FPR3: variants seen among roughly 807,000 people sequenced by gnomAD.
The protein encoded by FPR3 is formyl peptide receptor 3.
For synonymous variants in FPR3, 135 were observed against 163.6 expected, an observed-to-expected ratio of 0.83 and a Z score of 1.34; for missense variants, 346 against 443.2, an observed-to-expected ratio of 0.78 and a Z score of 1.97.
intron 1 of FPR3, among the ~76,000 whole-genome samples, chr19:51,810,004 G>A (rs529348915): frequency 9.9e-5 from 15 of 152,222 alleles, no homozygotes; most frequent in South Asian, 8.3e-4. Context: ...CCTCTGTTAC[G>A]CAAGGACAAA....
At chr19:51,817,307 C>A (rs1246191431) in intron 1 of FPR3, among the ~76,000 whole-genome samples, 1 of 151,922 alleles carries the variant, frequency 6.6e-6, no homozygotes, top group African/African-American at 2.4e-5. Flanking sequence ...ACAAACAAAA[C>A]CAAAATAGAG....
intron 1 of FPR3, among the ~76,000 whole-genome samples, chr19:51,798,940 C>A (rs1224746505): frequency 2.0e-5 from 3 of 152,018 alleles, no homozygotes; most frequent in Non-Finnish European, 4.4e-5. Flanking sequence ...CATGGTGAAA[C>A]CCCATCTCTA....
chr19:51,817,528 A>T (rs79557975), intron 1 of FPR3, among the ~76,000 whole-genome samples: 20,773 of 123,904 alleles, frequency 0.17, 1,568 homozygotes, highest in Middle Eastern at 0.25. Context: ...TTTTTTTTTT[A>T]AATTATTGTT....
chr19:51,823,358 T>C (rs2084204668), intron 1 of FPR3, among the ~76,000 whole-genome samples: 1 of 152,134 alleles, frequency 6.6e-6, no homozygotes, highest in Non-Finnish European at 1.5e-5. Flanking sequence ...GCCAGCATGT[T>C]TGCATTGAGT....
At chr19:51,797,015 A>C (rs1022034600) in intron 1 of FPR3, among the ~76,000 whole-genome samples, 2 of 152,240 alleles carry the variant, frequency 1.3e-5, no homozygotes, top group Non-Finnish European at 2.9e-5. Context: ...AAAGAGGAAG[A>C]GAATCGAGCT....
chr19:51,804,243 T>C (rs1011068370), intron 1 of FPR3: 4 of 151,554 alleles, frequency 2.6e-5, no homozygotes, highest in African/African-American at 9.7e-5. Context: ...TACACCACAG[T>C]CACGAGTACA....
chr19:51,810,344 G>A (rs761456948), intron 1 of FPR3, among the ~76,000 whole-genome samples: 3 of 152,178 alleles, frequency 2.0e-5, no homozygotes, highest in Non-Finnish European at 4.4e-5. Flanking sequence ...TAGCATTTCT[G>A]CAGCCGTGGT....
chr19:51,798,330 C>T (rs75031410), intron 1 of FPR3, among the ~76,000 whole-genome samples: 5,142 of 152,094 alleles, frequency 0.034, 152 homozygotes, highest in South Asian at 0.15. Flanking sequence ...GCCAGGGGTG[C>T]CGCTAAACAT....
chr19:51,810,568 T>C (rs1006122207), intron 1 of FPR3, among the ~76,000 whole-genome samples: 1 of 152,224 alleles, frequency 6.6e-6, no homozygotes, highest in Non-Finnish European at 1.5e-5. Flanking sequence ...CATTACCTAA[T>C]AGCATATCCT....
chr19:51,820,853 T>A (rs920730627), intron 1 of FPR3, among the ~76,000 whole-genome samples: 1 of 152,224 alleles, frequency 6.6e-6, no homozygotes, highest in Non-Finnish European at 1.5e-5. Flanking sequence ...GGTTAGTCAA[T>A]ATTCACCGTG....
chr19:51,824,546 C>T lies in FPR3; in HGVS notation c.798C>T (p.Val266=). 6.2e-7 allele frequency: 1 copy of T among 1,614,138 alleles called. No individual in the cohort carries two copies. Among genetic ancestry groups the T allele is most frequent in the Non-Finnish European group, 8.5e-7 (1 of 1,179,972 alleles). Residue 266 remains valine (V), a synonymous_variant, in exon 2 of 2, where the codon GTC becomes GTT. Transcript: ENST00000339223. The surrounding 1 kb of genome is among the most constrained non-coding windows in gnomAD (Gnocchi z 4.7). ...AACTAATTGGCATTCTAATGGCAGTCTGGCTCAAAGAGATGTTGTTAAATG... is the reference window on the plus strand; with the variant it reads ...AACTAATTGGCATTCTAATGGCAGTTTGGCTCAAAGAGATGTTGTTAAATG... ...PYELIGILMA[V]WLKEMLLNGK... is the part of the protein sequence containing the mutation.
chr19:51,803,846 T>C (rs534418431), intron 1 of FPR3: 1 of 152,324 alleles, frequency 6.6e-6, no homozygotes, highest in South Asian at 2.1e-4. Context: ...CCGCTACATC[T>C]CCCTTTTTTC....
chr19:51,813,195 G>C (rs573340638), intron 1 of FPR3, among the ~76,000 whole-genome samples: 1 of 151,546 alleles, frequency 6.6e-6, no homozygotes, highest in South Asian at 2.1e-4. Flanking sequence ...TCTGGGGGCT[G>C]TAAAGTCCAA....
At chr19:51,800,126 T>A (rs751937256) in intron 1 of FPR3, among the ~76,000 whole-genome samples, 1 of 152,212 alleles carries the variant, frequency 6.6e-6, no homozygotes, top group Non-Finnish European at 1.5e-5. Flanking sequence ...CTCTAACCTG[T>A]GACACGGCAA....
At chr19:51,810,330 A>C (rs1236721350) in intron 1 of FPR3, among the ~76,000 whole-genome samples, 1 of 152,222 alleles carries the variant, frequency 6.6e-6, no homozygotes, top group Non-Finnish European at 1.5e-5. Flanking sequence ...GCTAGAGTTA[A>C]GGTTAGCATT....
chr19:51,813,427 T>G (rs1042756987), intron 1 of FPR3, among the ~76,000 whole-genome samples: 1 of 152,172 alleles, frequency 6.6e-6, no homozygotes, highest in African/African-American at 2.4e-5. Flanking sequence ...ATTTTTATTT[T>G]TATTTTTGGC....
rs534385123 is a variant in FPR3, at chr19:51,810,307, T to C, written c.-10-13432T>C. Among the ~76,000 whole-genome samples, 8 of 152,348 alleles carry C rather than the reference T, an allele frequency of 5.3e-5. No homozygotes were observed. In the South Asian group the frequency reaches 1.7e-3, roughly 32 times the overall value. The stretch of plus-strand genomic sequence containing the variant: ...CCAGTGCATGTTTACAATCCGCGTT[T>C]GCATCCTCAAAAGCTAGAGTTAAGG... On this transcript the variant is annotated intron_variant, in intron 1 of 1. Transcript: ENST00000339223.
At position 51,818,143 on chromosome 19, in the gene FPR3, C is replaced by A. The variant is rs569131924; in HGVS notation, c.-10-5596C>A. ...CAGCTTTTGAGTGCTTGCTATTTTT[C>A]TCATTTAACCTTAAGTGTGCTATAA... On this transcript the variant is annotated intron_variant, in intron 1 of 1. Coordinates refer to ENST00000339223, the MANE Select transcript of FPR3 (RefSeq NM_002030.5). 7.9e-5 allele frequency among the ~76,000 whole-genome samples: 12 copies of A among 152,244 alleles called. No homozygotes were observed. The South Asian group carries it at 2.5e-3, about 32-fold the overall frequency.
chr19:51,795,504 CTTTTT>C (rs58620565), intron 1 of FPR3, among the ~76,000 whole-genome samples, 173 bp downstream of exon 1: 2,779 of 73,752 alleles, frequency 0.038, 13 homozygotes, highest in Middle Eastern at 0.048. Flanking sequence ...CAGTAACATT[CTTTTT>C]TTTTTTTTTT....
Sources: gnomAD v4.1 joint callset for allele counts (sites outside exome capture counted in the v4.1 genomes callset) on GRCh38, gnomAD v4.1.1 for gene constraint, Gnocchi (gnomAD v3.1) non-coding constraint, MANE v1.5 for transcripts, NCBI Gene and HGNC (gene_info 2026-07-23, HGNC 2026-07-21) for gene names.